NEBL: variants seen among roughly 807,000 people sequenced by gnomAD.
NEBL encodes the protein nebulette, also known as LIM and SH3 protein 2.
NEBL carries 122 observed loss-of-function variants against 140.2 expected under a neutral mutation model. The observed-to-expected ratio is 0.87, with a 90% CI of 0.75 to 1.01. NEBL has a LOEUF of 1.01. Ranked by LOEUF, NEBL falls within the 50% of genes least tolerant of loss-of-function variation. NEBL has a pLI of 0.00. For missense variants in NEBL, 1,365 were observed against 1,231.3 expected (o/e 1.11, Z -1.62); for synonymous variants, 436 against 398.9 (o/e 1.09, Z -1.11).
intron 2 of NEBL, 78 bp from the exon 3 acceptor site, chr10:20,890,027 T>G (rs1353718358): frequency 1.1e-6 from 1 of 944,706 alleles, no homozygotes; most frequent in East Asian, 2.5e-5. Context: ...ATAATTAGGT[T>G]GATAAAGTCC....
At chr10:20,800,566 G>A (rs1443261632) in intron 26 of NEBL, among the ~76,000 whole-genome samples, 1 of 151,876 alleles carries the variant, frequency 6.6e-6, no homozygotes, top group Non-Finnish European at 1.5e-5. Flanking sequence ...TTTCCACAAC[G>A]GCTCTACCAA....
intron 2 of NEBL, among the ~76,000 whole-genome samples, chr10:21,084,249 G>A (rs950565889): frequency 2.6e-5 from 4 of 152,230 alleles, no homozygotes; most frequent in Non-Finnish European, 4.4e-5. Flanking sequence ...TATGCGTTGA[G>A]TGTTGAATGC....
At chr10:21,228,681 A>G (rs1842205235) in intron 3 of NEBL, among the ~76,000 whole-genome samples, 2 of 152,368 alleles carry the variant, frequency 1.3e-5, no homozygotes, top group African/African-American at 4.8e-5. Context: ...GTCATCATAC[A>G]TTTAACTTGA....
intron 4 of NEBL, among the ~76,000 whole-genome samples, chr10:20,913,699 A>G (rs1388269975): frequency 6.6e-6 from 1 of 152,198 alleles, no homozygotes; most frequent in Non-Finnish European, 1.5e-5. Flanking sequence ...ATAGCATATT[A>G]ATTTTATTAT....
chr10:21,122,333 C>T (rs1469347061), intron 2 of NEBL, among the ~76,000 whole-genome samples: 1 of 151,982 alleles, frequency 6.6e-6, no homozygotes, highest in Admixed American at 6.6e-5. Flanking sequence ...GCCGGGATCT[C>T]TCCCACTGTT....
intron 24 of NEBL, 52 bp from the exon 25 acceptor site, chr10:20,809,950 G>GAAAAAA: frequency 7.3e-6 from 5 of 681,940 alleles, no homozygotes; most frequent in East Asian, 5.9e-5. Context: ...TTTAAAAAAG[G>GAAAAAA]AAAAAAAAAA....
At chr10:21,055,892 C>T (rs545881212) in intron 2 of NEBL, among the ~76,000 whole-genome samples, 39 of 152,328 alleles carry the variant, frequency 2.6e-4, no homozygotes, top group African/African-American at 9.1e-4. Flanking sequence ...CACAGCGAAG[C>T]ACACATTAAA....
intron 3 of NEBL, among the ~76,000 whole-genome samples, chr10:21,181,933 G>A (rs1397847875): frequency 6.6e-6 from 1 of 152,196 alleles, no homozygotes; most frequent in Non-Finnish European, 1.5e-5. Flanking sequence ...GGGTTGTCCT[G>A]CAGCCATGCC....
At chr10:20,943,570 C>G (rs1015612564) in intron 4 of NEBL, among the ~76,000 whole-genome samples, 1 of 151,894 alleles carries the variant, frequency 6.6e-6, no homozygotes, top group Non-Finnish European at 1.5e-5. Context: ...GCACATGTAC[C>G]CTAAAAGTTA....
intron 3 of NEBL, among the ~76,000 whole-genome samples, chr10:21,214,205 G>A (rs1186805548): frequency 1.3e-5 from 2 of 151,678 alleles, no homozygotes; most frequent in Non-Finnish European, 2.9e-5. Flanking sequence ...TGTATATCAT[G>A]CACACACACA....
intron 3 of NEBL, among the ~76,000 whole-genome samples, chr10:21,205,362 A>T (rs1841808842): frequency 6.6e-6 from 1 of 152,266 alleles, no homozygotes; most frequent in African/African-American, 2.4e-5. Flanking sequence ...TGATGAACAC[A>T]TAATGATATT....
chr10:21,043,075 T>G (rs982512280), intron 2 of NEBL, among the ~76,000 whole-genome samples: 18 of 152,218 alleles, frequency 1.2e-4, no homozygotes, highest in Admixed American at 1.2e-3. Context: ...GTAACCTACT[T>G]ATACAGCTCT....
At chr10:21,049,655 C>T (rs1407084401) in intron 2 of NEBL, among the ~76,000 whole-genome samples, 5 of 152,182 alleles carry the variant, frequency 3.3e-5, no homozygotes, top group African/African-American at 4.8e-5. Flanking sequence ...TTAAACCAAC[C>T]GCCCACCCTG....
At chr10:21,079,227 G>C (rs936865544) in intron 2 of NEBL, among the ~76,000 whole-genome samples, 2 of 152,278 alleles carry the variant, frequency 1.3e-5, no homozygotes, top group African/African-American at 4.8e-5. Context: ...TCCTGGTGGA[G>C]GGGATAACAG....
At chr10:20,934,938 T>A (rs917184213) in intron 4 of NEBL, among the ~76,000 whole-genome samples, 1 of 152,186 alleles carries the variant, frequency 6.6e-6, no homozygotes, top group African/African-American at 2.4e-5. Flanking sequence ...GGTCAAGAGT[T>A]GTGATTGGAA....
chr10:21,155,103 G>A (rs1002363490), intron 2 of NEBL, among the ~76,000 whole-genome samples: 2 of 152,222 alleles, frequency 1.3e-5, no homozygotes, highest in East Asian at 1.9e-4. Context: ...AGAGGCTGAG[G>A]GAGGAGAATT....
intron 2 of NEBL, among the ~76,000 whole-genome samples, chr10:21,169,061 AAAAAAAATAT>A (rs1275164570): frequency 1.9e-4 from 8 of 41,742 alleles, no homozygotes; most frequent in African/African-American, 5.9e-4. Flanking sequence ...AAAAAAAAAA[AAAAAAAATAT>A]ATATATATAT....
chr10:20,942,985 T>C (rs554922898), intron 4 of NEBL, among the ~76,000 whole-genome samples: 39 of 152,320 alleles, frequency 2.6e-4, no homozygotes, highest in African/African-American at 9.1e-4. Context: ...TTTTACACTG[T>C]TGGTGGGACT....
At chr10:21,070,059 C>G (rs1258473376) in intron 2 of NEBL, 1 of 454,616 alleles carries the variant, frequency 2.2e-6, no homozygotes, top group Admixed American at 2.4e-5. Flanking sequence ...AAGCCTCACA[C>G]TTCGGGACAG....
Sources: allele counts gnomAD v4.1 joint callset (sites outside exome capture counted in the v4.1 genomes callset), GRCh38; gene constraint gnomAD v4.1.1; transcripts MANE v1.5; gene names NCBI Gene and HGNC (gene_info 2026-07-23, HGNC 2026-07-21).